The following SLC41A2 variants were observed in gnomAD, a reference collection of about 807,000 sequenced individuals.
The protein encoded by SLC41A2 is solute carrier family 41 member 2.
In SLC41A2, 32 loss-of-function variants were observed where a neutral mutation model predicts 58.3. The observed-to-expected ratio is 0.55, with a 90% CI of 0.41 to 0.74. The LOEUF (loss-of-function observed/expected upper bound fraction) is 0.74. Among genes scored for constraint, SLC41A2 ranks in the 30% least tolerant of loss-of-function variants. SLC41A2 has a pLI of 0.00. For missense variants in SLC41A2, 514 were observed against 680.6 expected (o/e 0.76, Z 2.72); for synonymous variants, 190 against 235.0 (o/e 0.81, Z 1.75).
At chr12:104,840,583 C>T (rs1350504361) in intron 10 of SLC41A2, among the ~76,000 whole-genome samples, 1 of 152,172 alleles carries the variant, frequency 6.6e-6, no homozygotes, top group Non-Finnish European at 1.5e-5. Flanking sequence ...TCTCTTAGCA[C>T]ATTACTCTGG....
chr12:104,879,560 T>A (rs1001487350), intron 6 of SLC41A2, among the ~76,000 whole-genome samples: 1 of 152,184 alleles, frequency 6.6e-6, no homozygotes, highest in East Asian at 1.9e-4. Flanking sequence ...GGAATCCTTC[T>A]CCCATTTCTT....
rs902732002 is a variant in SLC41A2 at position 104,803,859 on chromosome 12, C to T, written c.*1293G>A. On this transcript the variant is annotated 3_prime_UTR_variant, in exon 11 of 11. Coordinates refer to ENST00000258538, the MANE Select transcript of SLC41A2 (RefSeq NM_001352171.3). ...AACCCACCAACTTCTTTTTTAAAAG[C>T]GTAAGTCAACGGGCTTCTTTAAAAG... The T allele has an allele frequency of 9.9e-5, 15 of 151,940 alleles. No individual in the cohort carries two copies. The highest frequency in any genetic ancestry group is 2.2e-4 in the Non-Finnish European group (15 of 67,992). 9.4% of individuals were successfully genotyped at this position (151,940 alleles called of 1,614,324 possible).
chr12:104,836,571 TAATA>T (rs2042216633), intron 10 of SLC41A2, among the ~76,000 whole-genome samples: 1 of 152,086 alleles, frequency 6.6e-6, no homozygotes. Context: ...CACTATAAAA[TAATA>T]AATCAAATGA....
rs576145158 is a variant in SLC41A2, at chr12:104,884,374, C to T, written c.1027+1919G>A. ...CACAGTCCAACTAGTCCCAATGAGACGAACCCAGTACCTCAGTTGGAAATG... is the reference window on the plus strand; with the variant it reads ...CACAGTCCAACTAGTCCCAATGAGATGAACCCAGTACCTCAGTTGGAAATG... On this transcript the variant is annotated intron_variant, in intron 6 of 10. Transcript: ENST00000258538. 3.2e-4 allele frequency among the ~76,000 whole-genome samples: 49 copies of T among 152,246 alleles called. 1 individual carries two copies. The highest frequency in any genetic ancestry group is 5.4e-4 in the Non-Finnish European group (37 of 68,014).
rs1395866956 is a variant in SLC41A2, at chr12:104,886,298, C to T, written c.1022G>A (p.Cys341Tyr). 8 of 1,612,864 alleles carry T rather than the reference C, an allele frequency of 5.0e-6. No individual in the cohort carries two copies. Among genetic ancestry groups the T allele is most frequent in the African/African-American group, 1.3e-5 (1 of 74,866 alleles). ...TTAGTTTTAAATCAACTTACCAAGACAGGAGTATAAGCCCTGACTTATCCA... is the reference window on the plus strand; with the variant it reads ...TTAGTTTTAAATCAACTTACCAAGATAGGAGTATAAGCCCTGACTTATCCA... Reference protein sequence around the residue: ...LAWISQGLYSCLETYYYISPL... With the variant: ...LAWISQGLYSYLETYYYISPL... Residue 341 changes from cysteine to tyrosine, a missense_variant, in exon 6 of 11, where the codon TGT becomes TAT. Around this residue, in one of 3 missense-constraint regions of SLC41A2, gnomAD observed 336 missense variants for 430.0 expected, o/e 0.78. Coordinates refer to ENST00000258538, the MANE Select transcript of SLC41A2 (RefSeq NM_001352171.3).
Position 104,866,422 on chromosome 12 carries a change from T to C in SLC41A2, c.1175+10A>G. ...CACACACACACACACACACATATTT[T>C]AATACTAACCTACTTATAACCATAG... is the stretch of plus-strand genomic sequence containing the variant. On this transcript the variant is annotated intron_variant, in intron 7 of 10. Coordinates refer to ENST00000258538, the MANE Select transcript of SLC41A2 (RefSeq NM_001352171.3). 1 of 1,605,520 alleles carries C rather than the reference T, an allele frequency of 6.2e-7. No homozygotes were observed. The highest frequency in any genetic ancestry group is 2.2e-5 in the East Asian group (1 of 44,718).
chr12:104,928,508 C>T lies in SLC41A2; in HGVS notation c.20G>A (p.Arg7Lys), dbSNP rs780204706. The T allele has an allele frequency of 2.6e-6, 4 of 1,512,628 alleles. No homozygotes were observed. The highest frequency in any genetic ancestry group is 3.5e-6 in the Non-Finnish European group (4 of 1,129,608). The allele number at this position is 1,512,628 out of a possible 1,614,324, so 93.7% of individuals were successfully genotyped here. A position where few individuals can be genotyped will look rare whatever the true frequency, so the allele number is the denominator to read the frequency against. The part of the protein sequence containing the change: MTNSKG[R>K]SITDKTSGGP... ...ACCACTTGTTTTATCGGTAATAGAT[C>T]TTCCTTTACTATTAGTCATATTGTC... is the stretch of plus-strand genomic sequence containing the variant. The change falls in exon 2 of 11, where the codon AGA becomes AAA. Residue 7 changes from arginine to lysine, a missense_variant. Coordinates refer to ENST00000258538, the MANE Select transcript of SLC41A2 (RefSeq NM_001352171.3).
chr12:104,874,365 C>T (rs940321695), intron 6 of SLC41A2, among the ~76,000 whole-genome samples: 7 of 152,160 alleles, frequency 4.6e-5, no homozygotes, highest in Admixed American at 6.5e-5. Context: ...TGAGCCATCA[C>T]GCCCAGCCAA....
chr12:104,922,474 TTG>T (rs958953355), intron 2 of SLC41A2, among the ~76,000 whole-genome samples: 2 of 136,172 alleles, frequency 1.5e-5, no homozygotes, highest in Non-Finnish European at 3.1e-5. Context: ...GACATAACAA[TTG>T]TATATATATA....
chr12:104,923,481 G>C (rs529560413), intron 2 of SLC41A2, among the ~76,000 whole-genome samples: 3 of 150,374 alleles, frequency 2.0e-5, no homozygotes, highest in East Asian at 3.9e-4. Context: ...ATTAAATAAA[G>C]ATCAGAGCAG....
chr12:104,933,240 AAAG>A (rs1291224888), intron 1 of SLC41A2, among the ~76,000 whole-genome samples: 1 of 152,220 alleles, frequency 6.6e-6, no homozygotes, highest in African/African-American at 2.4e-5. Flanking sequence ...ACACTTCTCA[AAAG>A]AAGACATACA....
At chr12:104,952,040 A>G (rs1007305367) in intron 1 of SLC41A2, among the ~76,000 whole-genome samples, 7 of 152,078 alleles carry the variant, frequency 4.6e-5, no homozygotes, top group African/African-American at 1.7e-4. Flanking sequence ...TACTGTTTCA[A>G]TGTAAGAATG....
intron 1 of SLC41A2, among the ~76,000 whole-genome samples, chr12:104,956,459 AC>A (rs939765517): frequency 1.3e-5 from 2 of 152,230 alleles, no homozygotes; most frequent in Non-Finnish European, 2.9e-5. Context: ...TGGGCAGATC[AC>A]TTGAATTCAG....
intron 6 of SLC41A2, among the ~76,000 whole-genome samples, chr12:104,867,346 C>T (rs1409305496): frequency 1.3e-5 from 2 of 151,956 alleles, no homozygotes; most frequent in Non-Finnish European, 2.9e-5. Context: ...AGAGATATTC[C>T]TGGCTTCTTC....
chr12:104,918,645 A>AC (rs1209700305), intron 2 of SLC41A2, among the ~76,000 whole-genome samples: 8 of 151,546 alleles, frequency 5.3e-5, no homozygotes, highest in Admixed American at 3.9e-4. Flanking sequence ...AAAAAAAAAA[A>AC]AACTAAAAAC....
chr12:104,866,603 AAGAG>A (rs1466500503), intron 6 of SLC41A2, 24 bp from the exon 7 acceptor site: 4 of 1,334,056 alleles, frequency 3.0e-6, no homozygotes, highest in Admixed American at 4.5e-5. Flanking sequence ...AAAAAAAAAA[AAGAG>A]AGACAACATT....
At chr12:104,927,901 T>C in intron 2 of SLC41A2, 72 bp downstream of exon 2, 2 of 1,360,498 alleles carry the variant, frequency 1.5e-6, no homozygotes, top group Non-Finnish European at 2.0e-6. Flanking sequence ...AGTAGTAACC[T>C]ACATAAAGCA....
intron 6 of SLC41A2, among the ~76,000 whole-genome samples, chr12:104,870,329 A>G (rs974340421): frequency 2.0e-5 from 3 of 152,198 alleles, no homozygotes; most frequent in Non-Finnish European, 4.4e-5. Flanking sequence ...GAAGGATCCA[A>G]TCCTGATGAC....
At chr12:104,917,120 A>G (rs1449431590) in intron 2 of SLC41A2, among the ~76,000 whole-genome samples, 1 of 151,876 alleles carries the variant, frequency 6.6e-6, no homozygotes, top group Non-Finnish European at 1.5e-5. Context: ...ACTCAAACAA[A>G]TTTACAAGAA....
Sources: gnomAD v4.1 joint callset for allele counts (sites outside exome capture counted in the v4.1 genomes callset) on GRCh38, gnomAD v4.1.1 for gene constraint, gnomAD v4.1.1 regional missense constraint, MANE v1.5 for transcripts, NCBI Gene and HGNC (gene_info 2026-07-23, HGNC 2026-07-21) for gene names.